The following LINGO2 variants were observed in gnomAD, a reference collection of about 807,000 sequenced individuals.
LINGO2 encodes leucine-rich repeat and immunoglobulin-like domain-containing nogo receptor-interacting protein 2.
Under a neutral mutation model 30.6 loss-of-function variants are expected in LINGO2, and 14 were observed. That is an observed-to-expected ratio of 0.46 (90% CI 0.30 to 0.72). The LOEUF (loss-of-function observed/expected upper bound fraction) is 0.72. Among genes scored for constraint, LINGO2 ranks in the 30% least tolerant of loss-of-function variants. The pLI, the probability that LINGO2 is intolerant of heterozygous loss-of-function variation, is 0.07. For missense variants in LINGO2, 729 were observed against 751.7 expected (o/e 0.97, Z 0.35); for synonymous variants, 317 against 288.5 (o/e 1.10, Z -1.00).
chr9:27,942,275 C>T, the LINGO2 span: 1 of 152,092 alleles, frequency 6.6e-6, no homozygotes, highest in Non-Finnish European at 1.5e-5. Flanking sequence ...TTGGGGATTA[C>T]TAATTAATAC....
At chr9:28,230,489 TTTGGTAAGGTA>T (rs1247726370) in intron 4 of LINGO2, among the ~76,000 whole-genome samples, 2 of 151,906 alleles carry the variant, frequency 1.3e-5, no homozygotes, top group Non-Finnish European at 3.0e-5. Flanking sequence ...TCATTTGATA[TTTGGTAAGGTA>T]AATCCCATCT....
intron 2 of LINGO2, among the ~76,000 whole-genome samples, chr9:28,392,541 G>A (rs1250713815): frequency 6.6e-6 from 1 of 152,158 alleles, no homozygotes; most frequent in Non-Finnish European, 1.5e-5. Flanking sequence ...AGCAGCAGGT[G>A]CACGGACCTT....
chr9:28,255,761 T>C (rs1030261525), intron 4 of LINGO2, among the ~76,000 whole-genome samples: 6 of 152,042 alleles, frequency 3.9e-5, no homozygotes, highest in African/African-American at 1.2e-4. Context: ...TATTTCCTGA[T>C]CTTGAGGTAA....
At chr9:28,909,539 T>G in the LINGO2 span, among the ~76,000 whole-genome samples, 136,162 of 151,994 alleles carry the variant, frequency 0.9, 61,276 homozygotes, top group Non-Finnish European at 0.94. Flanking sequence ...TACTTAAACT[T>G]TCATGTTCCA....
At chr9:28,862,194 A>G in the LINGO2 span, among the ~76,000 whole-genome samples, 1 of 152,126 alleles carries the variant, frequency 6.6e-6, no homozygotes, top group Admixed American at 6.6e-5. Flanking sequence ...ACAAAAGCAC[A>G]GGAAATCCCA....
intron 4 of LINGO2, among the ~76,000 whole-genome samples, chr9:28,088,290 C>T (rs1418588131): frequency 2.6e-5 from 4 of 151,604 alleles, no homozygotes; most frequent in African/African-American, 7.3e-5. Context: ...AGTGATGGCA[C>T]CTGAAGTTCA....
intron 2 of LINGO2, among the ~76,000 whole-genome samples, chr9:28,463,629 T>C (rs1034715293): frequency 6.6e-6 from 1 of 152,090 alleles, no homozygotes; most frequent in African/African-American, 2.4e-5. Context: ...TACTTGACCT[T>C]ACACAGACAA....
Position 28,001,944 on chromosome 9 carries a change from C to G in LINGO2, c.-36+10411G>C, listed in dbSNP as rs368391156. ...TACTCTGAGATATGAGAAAAACTTGCCACACCACACAGTTGAAAATTAAAA... is the reference window on the plus strand; with the variant it reads ...TACTCTGAGATATGAGAAAAACTTGGCACACCACACAGTTGAAAATTAAAA... On this transcript the variant is annotated intron_variant, in intron 5 of 5. Transcript: ENST00000379992. 6.6e-5 allele frequency among the ~76,000 whole-genome samples: 10 copies of G among 152,158 alleles called. No individual in the cohort carries two copies. The East Asian group carries it at 1.5e-3, about 23-fold the overall frequency.
chr9:28,662,828 G>T (rs1828632707), intron 1 of LINGO2, among the ~76,000 whole-genome samples: 1 of 152,124 alleles, frequency 6.6e-6, no homozygotes, highest in Non-Finnish European at 1.5e-5. Context: ...TTTCCAAAGA[G>T]ATCCATCACC....
chr9:28,395,501 T>C (rs566813847), intron 2 of LINGO2, among the ~76,000 whole-genome samples: 10 of 150,612 alleles, frequency 6.6e-5, no homozygotes, highest in African/African-American at 2.2e-4. Flanking sequence ...TTGAAGCAAA[T>C]ATATGACAGT....
the LINGO2 span, among the ~76,000 whole-genome samples, chr9:28,858,988 A>G: frequency 6.6e-6 from 1 of 152,042 alleles, no homozygotes; most frequent in South Asian, 2.1e-4. Context: ...CATAATATAC[A>G]GCAGAGATTT....
intron 3 of LINGO2, among the ~76,000 whole-genome samples, chr9:28,356,622 T>C (rs1464922937): frequency 6.6e-6 from 1 of 152,180 alleles, no homozygotes; most frequent in Non-Finnish European, 1.5e-5. Context: ...GTTTCAGTTG[T>C]AAGGAAATTG....
chr9:28,004,944 C>G (rs1293916648), intron 5 of LINGO2, among the ~76,000 whole-genome samples: 1 of 152,124 alleles, frequency 6.6e-6, no homozygotes, highest in Non-Finnish European at 1.5e-5. Flanking sequence ...CATCAACCAG[C>G]CCAGTAATAA....
chr9:28,729,598 C>A, the LINGO2 span, among the ~76,000 whole-genome samples: 1 of 151,548 alleles, frequency 6.6e-6, no homozygotes, highest in Non-Finnish European at 1.5e-5. Flanking sequence ...TGTTAAAAAT[C>A]ACAATATCCT....
chr9:29,104,843 C>T, the LINGO2 span, among the ~76,000 whole-genome samples: 1 of 152,014 alleles, frequency 6.6e-6, no homozygotes, highest in Non-Finnish European at 1.5e-5. Flanking sequence ...AATTTCTACA[C>T]GAATATATTG....
chr9:29,034,315 A>C, the LINGO2 span, among the ~76,000 whole-genome samples: 1 of 152,168 alleles, frequency 6.6e-6, no homozygotes, highest in African/African-American at 2.4e-5. Flanking sequence ...TTGAATACAT[A>C]GCATGATATT....
At chr9:28,105,828 C>G (rs914437626) in intron 4 of LINGO2, among the ~76,000 whole-genome samples, 1 of 152,094 alleles carries the variant, frequency 6.6e-6, no homozygotes, top group Non-Finnish European at 1.5e-5. Context: ...AGAGCCCTCA[C>G]AAGAAACCAA....
chr9:28,036,180 C>G (rs1823925659), intron 4 of LINGO2, among the ~76,000 whole-genome samples: 1 of 152,124 alleles, frequency 6.6e-6, no homozygotes, highest in South Asian at 2.1e-4. Context: ...TTGTGCTCAC[C>G]ATTTGTAGGT....
At chr9:28,416,588 G>A (rs1822976960) in intron 2 of LINGO2, among the ~76,000 whole-genome samples, 1 of 152,130 alleles carries the variant, frequency 6.6e-6, no homozygotes, top group Admixed American at 6.6e-5. Flanking sequence ...ATTACAATGA[G>A]TGAATCCCTT....
Sources: allele counts gnomAD v4.1 joint callset (sites outside exome capture counted in the v4.1 genomes callset), GRCh38; gene constraint gnomAD v4.1.1; transcripts MANE v1.5; gene names NCBI Gene and HGNC (gene_info 2026-07-23, HGNC 2026-07-21).